ATF7IP: variants seen among roughly 807,000 people sequenced by gnomAD.
ATF7IP encodes the protein activating transcription factor 7 interacting protein, also known as activating transcription factor 7-interacting protein 1.
ATF7IP carries 23 observed loss-of-function variants against 106.4 expected under a neutral mutation model. The ratio of observed to expected loss-of-function variants is 0.22; its 90% CI spans 0.16 to 0.31. The LOEUF (loss-of-function observed/expected upper bound fraction) is 0.31. Among genes scored for constraint, ATF7IP ranks in the 10% least tolerant of loss-of-function variants. The probability of loss-of-function intolerance (pLI) is 1.00; values close to 1 mark genes in which losing one functional copy is unlikely to be tolerated. For missense variants in ATF7IP, 1,334 were observed against 1,524.3 expected, an observed-to-expected ratio of 0.88 and a Z score of 2.08; for synonymous variants, 542 against 539.0, an observed-to-expected ratio of 1.01 and a Z score of -0.08.
intron 13 of ATF7IP, among the ~76,000 whole-genome samples, chr12:14,491,442 C>T (rs1360421615): frequency 6.6e-6 from 1 of 152,182 alleles, no homozygotes; most frequent in African/African-American, 2.4e-5. Context: ...TGAATTTGGT[C>T]AGATTTATTT....
chr12:14,420,363 C>G (rs918294613), intron 1 of ATF7IP: 1 of 152,582 alleles, frequency 6.6e-6, no homozygotes, highest in African/African-American at 2.4e-5. Flanking sequence ...GGTGTGGTGG[C>G]TCACACCTGT....
At chr12:14,436,699 T>TA (rs1942414321) in intron 4 of ATF7IP, among the ~76,000 whole-genome samples, 1 of 151,578 alleles carries the variant, frequency 6.6e-6, no homozygotes, top group Non-Finnish European at 1.5e-5. Flanking sequence ...CTCAAAAAAA[T>TA]AATAAATAAA....
At position 14,396,050 on chromosome 12, in the gene ATF7IP, A is replaced by G. The variant is rs546378609; in HGVS notation, c.-7-27859A>G. On this transcript the variant is annotated intron_variant, in intron 1 of 14. Transcript: ENST00000261168. ...GGTGTATGTTTATAAAGAAATGCCA[A>G]TGTATGTGTTCATTCGTATCAGTAT... 3.3e-4 allele frequency among the ~76,000 whole-genome samples: 50 copies of G among 152,348 alleles called. 1 individual carries two copies. The Middle Eastern group carries it at 0.014, about 41-fold the overall frequency.
At chr12:14,370,856 T>C (rs1479118394) in intron 1 of ATF7IP, among the ~76,000 whole-genome samples, 3 of 152,070 alleles carry the variant, frequency 2.0e-5, no homozygotes, top group African/African-American at 4.8e-5. Flanking sequence ...AAATAAAGTA[T>C]TGTACAATAT....
chr12:14,399,926 A>G (rs1940091318), intron 1 of ATF7IP, among the ~76,000 whole-genome samples: 1 of 152,168 alleles, frequency 6.6e-6, no homozygotes, highest in African/African-American at 2.4e-5. Context: ...GGTACTTGCT[A>G]CACATGGGAT....
chr12:14,483,158 T>A (rs1467305055), intron 13 of ATF7IP, among the ~76,000 whole-genome samples: 1 of 152,202 alleles, frequency 6.6e-6, no homozygotes, highest in Non-Finnish European at 1.5e-5. Flanking sequence ...TCTCTTTGCC[T>A]TCAGCAAGCA....
intron 6 of ATF7IP, among the ~76,000 whole-genome samples, chr12:14,455,957 A>G (rs1180883111): frequency 2.0e-5 from 3 of 152,128 alleles, no homozygotes; most frequent in Admixed American, 1.3e-4. Flanking sequence ...GTTAATATGT[A>G]GGCGTTATAA....
At chr12:14,368,564 A>G (rs1381042581) in intron 1 of ATF7IP, among the ~76,000 whole-genome samples, 1 of 152,136 alleles carries the variant, frequency 6.6e-6, no homozygotes, top group East Asian at 1.9e-4. Context: ...TATTTCTTTG[A>G]AATTACTTTC....
chr12:14,481,709 C>A, intron 13 of ATF7IP: 1 of 355,624 alleles, frequency 2.8e-6, no homozygotes. Context: ...GTATAGTACA[C>A]AATTTGATAT....
chr12:14,368,950 G>GC (rs35540753), intron 1 of ATF7IP, among the ~76,000 whole-genome samples: 2,982 of 151,206 alleles, frequency 0.02, 31 homozygotes, highest in Middle Eastern at 0.031. Flanking sequence ...AAAATGTACT[G>GC]CCCCCCTTTT....
chr12:14,476,706 C>T (rs7132189), intron 11 of ATF7IP, among the ~76,000 whole-genome samples: 152,235 of 152,242 alleles, frequency 1, 76,114 homozygotes, highest in Middle Eastern at 1. Flanking sequence ...TGTTTCAGTG[C>T]AGATACTGTA....
Position 14,475,664 on chromosome 12 carries a change from G to A in ATF7IP, c.2863-226G>A, listed in dbSNP as rs539379221. 5.3e-5 allele frequency among the ~76,000 whole-genome samples: 8 copies of A among 152,046 alleles called. No individual in the cohort carries two copies. The South Asian group carries it at 1.7e-3, about 32-fold the overall frequency. On this transcript the variant is annotated intron_variant, in intron 10 of 14. Coordinates refer to ENST00000261168, the MANE Select transcript of ATF7IP (RefSeq NM_018179.5). The stretch of plus-strand genomic sequence containing the variant: ...GATAGCTTAGTTTTTTTAAGAAAAC[G>A]TCTTGAATTTCTTTTGAAAATTATA...
Position 14,425,290 on chromosome 12 carries a change from C to G in ATF7IP, c.1375C>G (p.Pro459Ala). The G allele has an allele frequency of 1.9e-6, 3 of 1,602,634 alleles. No individual in the cohort carries two copies. Among genetic ancestry groups the G allele is most frequent in the Non-Finnish European group, 2.5e-6 (3 of 1,176,508 alleles). The change falls in exon 2 of 15, where the codon CCA becomes GCA. Residue 459 changes from proline (P) to alanine (A), a missense_variant. Coordinates refer to ENST00000261168, the MANE Select transcript of ATF7IP (RefSeq NM_018179.5). ...LTCFSKTSLL[P>A]IDETNPDLEE... is the part of the protein sequence containing the mutation. ...TTGCTTTTCTAAAACATCTCTCCTT[C>G]CAATCGATGAGACAAATCCAGATTT...
At chr12:14,367,188 A>G (rs1591745000) in intron 1 of ATF7IP, 1 of 152,142 alleles carries the variant, frequency 6.6e-6, no homozygotes, top group Non-Finnish European at 1.5e-5. Flanking sequence ...GAATCAGTCT[A>G]CTGTCAAATG....
At chr12:14,366,810 C>G (rs1406216122) in intron 1 of ATF7IP, among the ~76,000 whole-genome samples, 2 of 151,948 alleles carry the variant, frequency 1.3e-5, no homozygotes, top group African/African-American at 4.8e-5. Context: ...CCTGAGGCCT[C>G]TTTGAAGAAA....
In ATF7IP at chr12:14,396,438, A is replaced by T. The variant is rs11837240; in HGVS notation, c.-7-27471A>T. Among the ~76,000 whole-genome samples, 1,352 of 138,528 alleles carry T rather than the reference A, an allele frequency of 9.8e-3. 13 individuals carry two copies. Among genetic ancestry groups the T allele is most frequent in the African/African-American group, 0.027 (1,072 of 39,402 alleles). The allele number at this position is 138,528 out of a possible 152,430, so 90.9% of individuals were successfully genotyped here. A position where few individuals can be genotyped will look rare whatever the true frequency, so the allele number is the denominator to read the frequency against. On this transcript the variant is annotated intron_variant, in intron 1 of 14. Transcript: ENST00000261168. ...CCTTTTGACAGTGTTGCTTGGATTT[A>T]AAAAAAAAAAGCATATATTTTATTA...
intron 5 of ATF7IP, among the ~76,000 whole-genome samples, chr12:14,446,078 A>T (rs1364693176): frequency 6.6e-6 from 1 of 151,988 alleles, no homozygotes; most frequent in African/African-American, 2.4e-5. Context: ...GGGAGTTTGT[A>T]TAAGTACAAC....
intron 6 of ATF7IP, among the ~76,000 whole-genome samples, chr12:14,451,630 T>A (rs1000607628): frequency 1.1e-4 from 17 of 152,060 alleles, no homozygotes; most frequent in African/African-American, 3.4e-4. Flanking sequence ...TTTTTTTTTT[T>A]AAACAGCATG....
chr12:14,392,224 C>CTT (rs201384325), intron 1 of ATF7IP, among the ~76,000 whole-genome samples: 3 of 148,020 alleles, frequency 2.0e-5, no homozygotes, highest in African/African-American at 5.1e-5. Flanking sequence ...TAGCACAGAT[C>CTT]TTTTTTTTTT....
Sources: gnomAD v4.1 joint callset for allele counts (sites outside exome capture counted in the v4.1 genomes callset) on GRCh38, gnomAD v4.1.1 for gene constraint, MANE v1.5 for transcripts, NCBI Gene and HGNC (gene_info 2026-07-23, HGNC 2026-07-21) for gene names.